Variants in KMT2A observed in about 807,000 individuals in gnomAD.
KMT2A encodes histone-lysine N-methyltransferase 2A.
A neutral mutation model predicts 345.3 loss-of-function variants in KMT2A; 16 were observed. That is an observed-to-expected ratio of 0.05 (90% CI 0.03 to 0.07). The LOEUF is 0.07. Among genes scored for constraint, KMT2A ranks in the 10% least tolerant of loss-of-function variants. KMT2A has a pLI of 1.00. For synonymous variants in KMT2A, 1,599 were observed against 1,778.6 expected (o/e 0.90, Z 2.54); for missense variants, 3,272 against 4,841.6 (o/e 0.68, Z 9.62).
intron 1 of KMT2A, among the ~76,000 whole-genome samples, chr11:118,463,123 TA>T (rs1211396438): frequency 2.0e-5 from 3 of 151,712 alleles, no homozygotes; most frequent in Non-Finnish European, 4.4e-5. Context: ...CATTTATCTT[TA>T]TTTTTTTTTT....
chr11:118,504,229 T>G lies in KMT2A; in HGVS notation c.8337T>G (p.Asn2779Lys), dbSNP rs781934055. ...CTAAGAGTTCTGTTGGCCACAAAAA[T>G]GAGCCAAAGATGGATAACTGCCATT... ...HVTKSSVGHKNEPKMDNCHSV... is the reference protein window; with the variant it reads ...HVTKSSVGHKKEPKMDNCHSV... The change falls in exon 27 of 36, where the codon AAT (asparagine) becomes AAG (lysine). Residue 2779 changes from asparagine to lysine, a missense_variant. This residue lies in a region of KMT2A where 100 missense variants were observed against 101.3 expected (regional missense o/e 0.99). Transcript: ENST00000534358. The surrounding 1 kb of genome is among the most constrained non-coding windows in gnomAD (Gnocchi z 6.4). 1.2e-6 allele frequency: 2 copies of G among 1,614,094 alleles called. No homozygotes were observed. The highest frequency in any genetic ancestry group is 2.2e-5 in the East Asian group (1 of 44,888).
chr11:118,445,573 C>A (rs1458178584), intron 1 of KMT2A, among the ~76,000 whole-genome samples: 1 of 152,236 alleles, frequency 6.6e-6, no homozygotes, highest in Non-Finnish European at 1.5e-5. Context: ...GAGATCAATG[C>A]AAGTAACCAT....
At chr11:118,450,126 G>A (rs1949504455) in intron 1 of KMT2A, 1 of 152,006 alleles carries the variant, frequency 6.6e-6, no homozygotes, top group Admixed American at 6.6e-5. Flanking sequence ...CAGTTAAGTG[G>A]GCTTATTTTT....
chr11:118,474,947 C>T (rs972919643), intron 3 of KMT2A, among the ~76,000 whole-genome samples: 10 of 150,736 alleles, frequency 6.6e-5, no homozygotes, highest in African/African-American at 9.8e-5. Flanking sequence ...CTGGCCAACA[C>T]GGTGAAACCT....
chr11:118,512,311 C>G (rs1950705671), intron 31 of KMT2A: 2 of 432,194 alleles, frequency 4.6e-6, no homozygotes, highest in Non-Finnish European at 8.2e-6. Context: ...CAGCCCCTGG[C>G]CACCACAAAT....
Position 118,498,841 on chromosome 11 carries a change from A to C in KMT2A, c.5961+313A>C, listed in dbSNP as rs1407533997. 6.6e-6 allele frequency among the ~76,000 whole-genome samples: 1 copy of C among 152,192 alleles called. No individual in the cohort carries two copies. The highest frequency in any genetic ancestry group is 6.5e-5 in the Admixed American group (1 of 15,280). ...TATCCACCATTATACCATCATATGG[A>C]GTATTTTCGCTGCCTTAAACATCCT... On this transcript the variant is annotated intron_variant, in intron 22 of 35. Transcript: ENST00000534358. This position sits in a 1 kb window ranked among gnomAD's most constrained non-coding sequence, Gnocchi z 4.4.
rs1555044979 is a variant in KMT2A, at chr11:118,499,349, A to C, written c.6008A>C (p.Asp2003Ala). The C allele has an allele frequency of 6.2e-7, 1 of 1,613,020 alleles. No individual in the cohort carries two copies. Reference sequence around the variant, plus strand: ...GAAGTTTTCAGAAGAGTGTTTGTGGACTTTGAAGGAATCAGCTTGAGAAGG... The same window carrying C: ...GAAGTTTTCAGAAGAGTGTTTGTGGCCTTTGAAGGAATCAGCTTGAGAAGG... Reference protein sequence around the residue: ...GFEVFRRVFVDFEGISLRRKF... With the variant: ...GFEVFRRVFVAFEGISLRRKF... The change falls in exon 23 of 36, where the codon GAC becomes GCC. Residue 2003 changes from aspartate to alanine, a missense_variant. Coordinates refer to ENST00000534358, the MANE Select transcript of KMT2A (RefSeq NM_001197104.2).
chr11:118,444,107 GT>G (rs1175122108), intron 1 of KMT2A, among the ~76,000 whole-genome samples: 1 of 152,134 alleles, frequency 6.6e-6, no homozygotes, highest in Non-Finnish European at 1.5e-5. Context: ...TGTGAGAAGG[GT>G]TTTGGAGAAT....
chr11:118,485,915 T>C (rs1334000471), intron 10 of KMT2A, among the ~76,000 whole-genome samples: 2 of 151,828 alleles, frequency 1.3e-5, no homozygotes, highest in Non-Finnish European at 2.9e-5. Context: ...ACCCCGTCTC[T>C]ATTAAAAATA....
At chr11:118,456,347 T>C (rs2134213894) in intron 1 of KMT2A, among the ~76,000 whole-genome samples, 1 of 151,980 alleles carries the variant, frequency 6.6e-6, no homozygotes, top group South Asian at 2.1e-4. Flanking sequence ...AATGAACCTT[T>C]TTTTTTTTTG....
Position 118,521,813 on chromosome 11 carries a change from A to AG in KMT2A, c.11644-84_11644-83insG. 7.1e-7 allele frequency: 1 copy of AG among 1,411,656 alleles called. No homozygotes were observed. The highest frequency in any genetic ancestry group is 9.8e-7 in the Non-Finnish European group (1 of 1,021,042). 87.4% of individuals were successfully genotyped at this position (1,411,656 alleles called of 1,614,324 possible). On this transcript the variant is annotated intron_variant, in intron 35 of 35. Transcript: ENST00000534358. This position sits in a 1 kb window ranked among gnomAD's most constrained non-coding sequence, Gnocchi z 5.3. ...AGAAACTTTCTCAGCCGCTATAGGT[A>AG]ACATCAAGAGAAGATTGGGACATGT...
intron 2 of KMT2A, among the ~76,000 whole-genome samples, chr11:118,470,652 T>G (rs1005304088): frequency 6.6e-6 from 1 of 152,210 alleles, no homozygotes; most frequent in African/African-American, 2.4e-5. Context: ...ATAAAACCTT[T>G]GTTGACTTCT....
intron 31 of KMT2A, 52 bp from the exon 32 acceptor site, chr11:118,519,566 T>C: frequency 5.2e-6 from 8 of 1,527,908 alleles, no homozygotes; most frequent in Non-Finnish European, 6.3e-6. Context: ...AGGACCATGC[T>C]GTTTCCTGTT....
intron 1 of KMT2A, among the ~76,000 whole-genome samples, chr11:118,441,776 C>T (rs1332442552): frequency 6.6e-6 from 1 of 152,194 alleles, no homozygotes; most frequent in African/African-American, 2.4e-5. Context: ...CTTTCACTTC[C>T]ATTTAATTAT....
chr11:118,510,170 G>C lies in KMT2A; in HGVS notation c.11071+52G>C. The C allele has an allele frequency of 1.4e-6, 2 of 1,459,234 alleles. No homozygotes were observed. The highest frequency in any genetic ancestry group is 1.4e-5 in the African/African-American group (1 of 70,508). 90.4% of individuals were successfully genotyped at this position (1,459,234 alleles called of 1,614,324 possible). On this transcript the variant is annotated intron_variant, in intron 30 of 35. Transcript: ENST00000534358. This position sits in a 1 kb window ranked among gnomAD's most constrained non-coding sequence, Gnocchi z 4.1. ...ATCAGCAGAAGCCCTGTTTCAGCTA[G>C]AGCTTCATTTTCTGAGTATTAGCAC... is the stretch of plus-strand genomic sequence containing the variant.
Position 118,522,281 on chromosome 11 carries a change from A to T in KMT2A, c.*109A>T, listed in dbSNP as rs544251228. The T allele has an allele frequency of 8.8e-7, 1 of 1,134,512 alleles. No individual in the cohort carries two copies. The highest frequency in any genetic ancestry group is 2.4e-5 in the East Asian group (1 of 41,514). The allele number at this position is 1,134,512 out of a possible 1,614,324, so 70.3% of individuals were successfully genotyped here. ...GCTCCCGGATTGCGTGGCACAGCTG[A>T]GGGGCCTCTGTGATGGCTGAGCTCT... On this transcript the variant is annotated 3_prime_UTR_variant, in exon 36 of 36. Transcript: ENST00000534358. The surrounding 1 kb of genome is among the most constrained non-coding windows in gnomAD (Gnocchi z 5.4).
At chr11:118,508,079 G>T (rs191277635) in intron 28 of KMT2A, among the ~76,000 whole-genome samples, 135 of 152,230 alleles carry the variant, frequency 8.9e-4, no homozygotes, top group African/African-American at 3.2e-3. Flanking sequence ...AATATAACAA[G>T]AATTATTTAA....
At position 118,498,569 on chromosome 11, in the gene KMT2A, T is replaced by C; in HGVS notation, c.5961+41T>C. Reference sequence around the variant, plus strand: ...TTGCTTTAAAAAAAAAAAAAAAGACTTTTTTAGAGCAGTTTTAGGTTCACA... The same window carrying C: ...TTGCTTTAAAAAAAAAAAAAAAGACCTTTTTAGAGCAGTTTTAGGTTCACA... On this transcript the variant is annotated intron_variant, in intron 22 of 35. Transcript: ENST00000534358. This position sits in a 1 kb window ranked among gnomAD's most constrained non-coding sequence, Gnocchi z 4.4. 6.8e-7 allele frequency: 1 copy of C among 1,474,544 alleles called. No individual in the cohort carries two copies. The highest frequency in any genetic ancestry group is 9.2e-7 in the Non-Finnish European group (1 of 1,085,182). The allele number at this position is 1,474,544 out of a possible 1,614,324, so 91.3% of individuals were successfully genotyped here. A position where few individuals can be genotyped will look rare whatever the true frequency, so the allele number is the denominator to read the frequency against.
chr11:118,473,857 C>A lies in KMT2A; in HGVS notation c.2698C>A (p.Gln900Lys). 6.2e-7 allele frequency: 1 copy of A among 1,614,160 alleles called. No individual in the cohort carries two copies. Among genetic ancestry groups the A allele is most frequent in the Non-Finnish European group, 8.5e-7 (1 of 1,180,038 alleles). Residue 900 changes from glutamine (Q) to lysine (K), a missense_variant, in exon 3 of 36, where the codon CAG becomes AAG. Gln to Lys is a moderately conservative substitution (Grantham distance 53). Coordinates refer to ENST00000534358, the MANE Select transcript of KMT2A (RefSeq NM_001197104.2). The surrounding 1 kb of genome is among the most constrained non-coding windows in gnomAD (Gnocchi z 5.2). The part of the protein sequence containing the change: ...KEKRKKGSEI[Q>K]SSSALYPVGR... ...GAAAAGGAAAAAGGGATCAGAAATT[C>A]AGAGTAGTTCTGCTTTGTATCCTGT... is the stretch of plus-strand genomic sequence containing the variant.
Sources: allele counts gnomAD v4.1 joint callset (sites outside exome capture counted in the v4.1 genomes callset), GRCh38; gene constraint gnomAD v4.1.1; regional missense constraint gnomAD v4.1.1; non-coding constraint Gnocchi (gnomAD v3.1); transcripts MANE v1.5; gene names NCBI Gene and HGNC (gene_info 2026-07-23, HGNC 2026-07-21).